Variants in SLCO3A1 observed in about 807,000 individuals in gnomAD.
SLCO3A1 encodes the protein solute carrier organic anion transporter family member 3A1, also known as PGE1 transporter.
A neutral mutation model predicts 63.1 loss-of-function variants in SLCO3A1; 27 were observed. The ratio of observed to expected loss-of-function variants is 0.43; its 90% CI spans 0.32 to 0.59. SLCO3A1 has a LOEUF of 0.59. Among genes scored for constraint, SLCO3A1 ranks in the 20% least tolerant of loss-of-function variants. The pLI is 0.09. For missense variants in SLCO3A1, 773 were observed against 945.8 expected (o/e 0.82, Z 2.40); for synonymous variants, 473 against 409.9 (o/e 1.15, Z -1.86).
At position 92,165,133 on chromosome 15, in the gene SLCO3A1, G is replaced by C; in HGVS notation, c.*1998G>C. 2 of 985,412 alleles carry C rather than the reference G, an allele frequency of 2.0e-6. No homozygotes were observed. The highest frequency in any genetic ancestry group is 2.4e-6 in the Non-Finnish European group (2 of 829,932). The allele number at this position is 985,412 out of a possible 1,614,324, so 61.0% of individuals were successfully genotyped here. A position where few individuals can be genotyped will look rare whatever the true frequency, so the allele number is the denominator to read the frequency against. ...GAATGACAGCCCAAATCTAGAGAAG[G>C]CACTCAGCAAGACCAACCAAAAGAA... On this transcript the variant is annotated 3_prime_UTR_variant, in exon 10 of 10. Coordinates refer to ENST00000318445, the MANE Select transcript of SLCO3A1 (RefSeq NM_013272.4).
chr15:91,967,667 G>A lies in SLCO3A1; in HGVS notation c.646+51209G>A, dbSNP rs369724192. 1.1e-3 allele frequency among the ~76,000 whole-genome samples: 163 copies of A among 152,306 alleles called. 1 individual carries two copies. Among genetic ancestry groups the A allele is most frequent in the African/African-American group, 3.8e-3 (156 of 41,566 alleles). On this transcript the variant is annotated intron_variant, in intron 2 of 9. Coordinates refer to ENST00000318445, the MANE Select transcript of SLCO3A1 (RefSeq NM_013272.4). This position sits in a 1 kb window ranked among gnomAD's most constrained non-coding sequence, Gnocchi z 4.4. ...GGATTAATTGTTTTGTCCTTGTTCT[G>A]TTGACTTCCAGACCTTGTTATCTCT... is the stretch of plus-strand genomic sequence containing the variant.
In SLCO3A1 at chr15:92,164,863, A is replaced by G. The variant is rs2048480177; in HGVS notation, c.*1728A>G. On this transcript the variant is annotated 3_prime_UTR_variant, in exon 10 of 10. Coordinates refer to ENST00000318445, the MANE Select transcript of SLCO3A1 (RefSeq NM_013272.4). ...GGGGACAGAGCTTAGGTAAAGGCACACACTCATACACACACAACAAAGGGC... is the reference window on the plus strand; with the variant it reads ...GGGGACAGAGCTTAGGTAAAGGCACGCACTCATACACACACAACAAAGGGC... 1.0e-6 allele frequency: 1 copy of G among 985,260 alleles called. No individual in the cohort carries two copies. The highest frequency in any genetic ancestry group is 6.2e-5 in the Admixed American group (1 of 16,260). The allele number at this position is 985,260 out of a possible 1,614,324, so 61.0% of individuals were successfully genotyped here.
chr15:92,087,142 A>G (rs2047414594), intron 2 of SLCO3A1, among the ~76,000 whole-genome samples: 1 of 151,912 alleles, frequency 6.6e-6, no homozygotes, highest in Admixed American at 6.6e-5. Context: ...GGTGAGGCTC[A>G]TTCCCCCACC....
chr15:91,918,175 G>A (rs1009942382), intron 2 of SLCO3A1, among the ~76,000 whole-genome samples: 1 of 152,266 alleles, frequency 6.6e-6, no homozygotes, highest in East Asian at 1.9e-4. Context: ...GCTTTATGGT[G>A]AGGAAGCACT....
At chr15:91,955,854 G>A (rs1900153839) in intron 2 of SLCO3A1, among the ~76,000 whole-genome samples, 1 of 152,224 alleles carries the variant, frequency 6.6e-6, no homozygotes, top group Non-Finnish European at 1.5e-5. Context: ...TTTGGAATCT[G>A]TAATTACCAG....
At chr15:91,896,037 T>G (rs1426928985) in intron 1 of SLCO3A1, among the ~76,000 whole-genome samples, 1 of 152,240 alleles carries the variant, frequency 6.6e-6, no homozygotes, top group East Asian at 1.9e-4. Flanking sequence ...TAAAGAAGCC[T>G]AAATCCTTCA....
intron 2 of SLCO3A1, among the ~76,000 whole-genome samples, chr15:92,022,361 G>A (rs2046520456): frequency 6.6e-6 from 1 of 152,168 alleles, no homozygotes; most frequent in Non-Finnish European, 1.5e-5. Context: ...CCTGCTGAGT[G>A]ATACCTTGTA....
intron 1 of SLCO3A1, among the ~76,000 whole-genome samples, chr15:91,855,435 C>T (rs1311633838): frequency 1.3e-5 from 2 of 152,180 alleles, no homozygotes; most frequent in Non-Finnish European, 2.9e-5. Context: ...AAATCAAATA[C>T]ATTTCTGTTG....
At chr15:91,919,364 GAGGGAGCCA>G (rs760875880) in intron 2 of SLCO3A1, among the ~76,000 whole-genome samples, 10 of 152,254 alleles carry the variant, frequency 6.6e-5, no homozygotes, top group Non-Finnish European at 1.2e-4. Context: ...TCCAGTGTGG[GAGGGAGCCA>G]AGGGAGCTCA....
intron 2 of SLCO3A1, among the ~76,000 whole-genome samples, chr15:92,089,160 T>TC (rs1234286533): frequency 6.6e-6 from 1 of 151,980 alleles, no homozygotes; most frequent in African/African-American, 2.4e-5. Context: ...TGAGTAGCTG[T>TC]TGACTACAGG....
At chr15:92,126,014 GC>G in intron 5 of SLCO3A1, 46 bp from the exon 6 acceptor site, 1 of 1,553,198 alleles carries the variant, frequency 6.4e-7, no homozygotes. Context: ...CTGTAGACTG[GC>G]CCCACCTTCC....
At chr15:91,926,558 CGTGTGTGTGTGTGTGTGTGTGTGTGT>C (rs565234731) in intron 2 of SLCO3A1, among the ~76,000 whole-genome samples, 24 of 126,042 alleles carry the variant, frequency 1.9e-4, no homozygotes, top group Admixed American at 1.7e-3. Context: ...CCTGCCAAGC[CGTGTGTGTGTGTGTGTGTGTGTGTGT>C]GTGTGTGTGT....
intron 2 of SLCO3A1, among the ~76,000 whole-genome samples, chr15:92,034,434 G>T (rs866048410): frequency 1.3e-5 from 2 of 151,520 alleles, no homozygotes; most frequent in East Asian, 1.9e-4. Flanking sequence ...GAAGTCGGGG[G>T]AATGTGAGTT....
At position 91,916,815 on chromosome 15, in the gene SLCO3A1, C is replaced by T. The variant is rs1172989337; in HGVS notation, c.646+357C>T. On this transcript the variant is annotated intron_variant, in intron 2 of 9. Transcript: ENST00000318445. This position sits in a 1 kb window ranked among gnomAD's most constrained non-coding sequence, Gnocchi z 6.2. ...CACCAAGGTATACTTGGGGTCTACA[C>T]ATTGGAAACTCCAGCTTTGAAGAAT... Among the ~76,000 whole-genome samples the T allele has an allele frequency of 6.6e-6, 1 of 152,180 alleles. No individual in the cohort carries two copies. The highest frequency in any genetic ancestry group is 1.5e-5 in the Non-Finnish European group (1 of 68,046).
rs116815768 is a variant in SLCO3A1, at chr15:92,071,304, C to G, written c.647-23577C>G. Among the ~76,000 whole-genome samples, 614 of 152,304 alleles carry G rather than the reference C, an allele frequency of 4.0e-3. 6 individuals are homozygous for G. Among genetic ancestry groups the G allele is most frequent in the African/African-American group, 0.014 (589 of 41,570 alleles). ...GGTTGCCCAAGCCTGGAGAGGCCCACTGTCTGCAGGGCAAGCATTCAGAGA... is the reference window on the plus strand; with the variant it reads ...GGTTGCCCAAGCCTGGAGAGGCCCAGTGTCTGCAGGGCAAGCATTCAGAGA... On this transcript the variant is annotated intron_variant, in intron 2 of 9. Coordinates refer to ENST00000318445, the MANE Select transcript of SLCO3A1 (RefSeq NM_013272.4).
intron 2 of SLCO3A1, among the ~76,000 whole-genome samples, chr15:91,990,903 G>C (rs1311788381): frequency 1.3e-5 from 2 of 152,170 alleles, no homozygotes; most frequent in African/African-American, 4.8e-5. Context: ...CTTGGCCTCA[G>C]TGTTGAGGAG....
At chr15:91,888,842 C>A (rs1226153318) in intron 1 of SLCO3A1, among the ~76,000 whole-genome samples, 2 of 151,018 alleles carry the variant, frequency 1.3e-5, no homozygotes, top group Non-Finnish European at 3.0e-5. Flanking sequence ...CAAAACAAAA[C>A]AAAAAAAACA....
chr15:92,136,718 C>T (rs139455106), intron 7 of SLCO3A1, among the ~76,000 whole-genome samples: 2,788 of 152,308 alleles, frequency 0.018, 43 homozygotes, highest in Non-Finnish European at 0.029. Context: ...GAGGGACTCT[C>T]CCTTTCACCT....
In SLCO3A1 at chr15:92,126,056, T is replaced by C; in HGVS notation, c.1175-5T>C. 6.2e-7 allele frequency: 1 copy of C among 1,613,486 alleles called. No homozygotes were observed. The highest frequency in any genetic ancestry group is 8.5e-7 in the Non-Finnish European group (1 of 1,179,772). ...CACAGCCCTGCCCCTCTATTTTCCTTCCAGGGATGACTGCGATCCCGTGTG... is the reference window on the plus strand; with the variant it reads ...CACAGCCCTGCCCCTCTATTTTCCTCCCAGGGATGACTGCGATCCCGTGTG... On this transcript the variant is annotated splice_region_variant and splice_polypyrimidine_tract_variant and intron_variant, in intron 5 of 9. Coordinates refer to ENST00000318445, the MANE Select transcript of SLCO3A1 (RefSeq NM_013272.4).
Sources: allele counts gnomAD v4.1 joint callset (sites outside exome capture counted in the v4.1 genomes callset), GRCh38; gene constraint gnomAD v4.1.1; non-coding constraint Gnocchi (gnomAD v3.1); transcripts MANE v1.5; gene names NCBI Gene and HGNC (gene_info 2026-07-23, HGNC 2026-07-21).